The following ATP10D variants were observed in gnomAD, a reference collection of about 807,000 sequenced individuals.
ATP10D encodes the protein phospholipid-transporting ATPase VD.
In ATP10D, 89 loss-of-function variants were observed where a neutral mutation model predicts 144.8. The observed-to-expected ratio is 0.61, with a 90% confidence interval of 0.52 to 0.73. ATP10D has a LOEUF of 0.73. ATP10D is among the 30% of genes least tolerant of loss of function. The probability of loss-of-function intolerance (pLI) is 0.00; values close to 1 mark genes in which losing one functional copy is unlikely to be tolerated. For synonymous variants in ATP10D, 571 were observed against 615.1 expected (o/e 0.93, Z 1.06); for missense variants, 1,603 against 1,714.8 (o/e 0.93, Z 1.15).
chr4:47,547,585 A>G (rs1718506545), intron 10 of ATP10D: 1 of 152,210 alleles, frequency 6.6e-6, no homozygotes, highest in South Asian at 2.1e-4. Context: ...TTTACATTTT[A>G]TTAAGTCTTG....
At chr4:47,509,196 CT>C (rs1479420560) in intron 1 of ATP10D, among the ~76,000 whole-genome samples, 2 of 151,936 alleles carry the variant, frequency 1.3e-5, no homozygotes, top group African/African-American at 2.4e-5. Context: ...TTTTCTTCTT[CT>C]TTTTTAAATC....
intron 3 of ATP10D, 97 bp from the exon 4 acceptor site, chr4:47,522,915 T>A (rs4475121): frequency 0.17 from 175,772 of 1,005,594 alleles, 16,602 homozygotes; most frequent in South Asian, 0.24. Context: ...ACTTAATATA[T>A]ACTTTAAATT....
intron 19 of ATP10D, among the ~76,000 whole-genome samples, chr4:47,578,019 G>T (rs1720322766): frequency 1.3e-5 from 2 of 152,166 alleles, no homozygotes; most frequent in Admixed American, 1.3e-4. Context: ...ACTAAAGATT[G>T]TTATTTGTCC....
In ATP10D at chr4:47,558,937, G is replaced by A. The variant is rs377230023; in HGVS notation, c.2449G>A (p.Glu817Lys). 3 of 1,613,548 alleles carry A rather than the reference G, an allele frequency of 1.9e-6. No individual in the cohort carries two copies. In the African/African-American group the frequency reaches 4.0e-5, roughly 22 times the overall value. ...SVASPDGASL[E>K]KQQMIVREKT... ...CATTATTTCAGATGGAGCAAGTCTG[G>A]AGAAACAACAGATGATAGTAAGGGA... Residue 817 changes from glutamate (E) to lysine (K), a missense_variant, in exon 13 of 23, where the codon GAG becomes AAG. By Grantham distance (56) the Glu-to-Lys change is moderately conservative. Coordinates refer to ENST00000273859, the MANE Select transcript of ATP10D (RefSeq NM_020453.4).
At chr4:47,565,821 T>C (rs914949055) in intron 15 of ATP10D, among the ~76,000 whole-genome samples, 2 of 152,202 alleles carry the variant, frequency 1.3e-5, no homozygotes, top group Non-Finnish European at 2.9e-5. Context: ...ATTTATCTTA[T>C]GTTTAAAGGC....
In ATP10D at chr4:47,512,484, G is replaced by C; in HGVS notation, c.-37-20G>C. On this transcript the variant is annotated intron_variant, in intron 1 of 22. Transcript: ENST00000273859. Reference sequence around the variant, plus strand: ...ACGTTTCAGAAGCTCATGGAAGTGTGGTTTTTGTTTGTTTGCCAGGTCAGC... The same window carrying C: ...ACGTTTCAGAAGCTCATGGAAGTGTCGTTTTTGTTTGTTTGCCAGGTCAGC... 6.8e-7 allele frequency: 1 copy of C among 1,474,924 alleles called. No individual in the cohort carries two copies. The highest frequency in any genetic ancestry group is 9.2e-7 in the Non-Finnish European group (1 of 1,083,464). 91.4% of individuals were successfully genotyped at this position (1,474,924 alleles called of 1,614,324 possible).
At chr4:47,583,727 A>T (rs919995750) in intron 21 of ATP10D, among the ~76,000 whole-genome samples, 3 of 152,218 alleles carry the variant, frequency 2.0e-5, no homozygotes, top group African/African-American at 7.2e-5. Context: ...GGGTTCACGG[A>T]TTATGAGCAA....
intron 1 of ATP10D, among the ~76,000 whole-genome samples, chr4:47,489,952 T>A (rs1714987215): frequency 6.6e-6 from 1 of 152,200 alleles, no homozygotes; most frequent in South Asian, 2.1e-4. Context: ...ATGAGGAAGA[T>A]GGGTACTACT....
In ATP10D at chr4:47,568,848, G is replaced by A; in HGVS notation, c.2865G>A (p.Gly955=). 1.2e-6 allele frequency: 2 copies of A among 1,613,306 alleles called. No homozygotes were observed. Among genetic ancestry groups the A allele is most frequent in the Non-Finnish European group, 1.7e-6 (2 of 1,179,412 alleles). Residue 955 remains glycine, a synonymous_variant, in exon 16 of 23, where the codon GGG becomes GGA. Transcript: ENST00000273859. ...CCTCTTGTTTCAAGGATGCCTGTGG[G>A]ATGCTGATGAGCACAATTTTGAAAG... ...ILNTQSKDAC[G]MLMSTILKEL...
intron 14 of ATP10D, among the ~76,000 whole-genome samples, chr4:47,563,287 G>A (rs967582185): frequency 2.0e-5 from 3 of 152,164 alleles, no homozygotes; most frequent in African/African-American, 4.8e-5. Flanking sequence ...TGTAGTGTAA[G>A]GTTGCATAAA....
chr4:47,553,748 T>C (rs1203625151), intron 10 of ATP10D, among the ~76,000 whole-genome samples: 1 of 152,218 alleles, frequency 6.6e-6, no homozygotes, highest in African/African-American at 2.4e-5. Context: ...ATTAAACCTA[T>C]GCTAACTCTC....
intron 21 of ATP10D, among the ~76,000 whole-genome samples, chr4:47,584,546 C>A (rs1203906322): frequency 6.6e-6 from 1 of 152,078 alleles, no homozygotes; most frequent in Non-Finnish European, 1.5e-5. Context: ...GCGCCCACCA[C>A]CACGCCCCGC....
rs1717795410 is a variant in ATP10D, at chr4:47,535,511, A to G, written c.779A>G (p.Glu260Gly). The G allele has an allele frequency of 6.2e-7, 1 of 1,607,926 alleles. No individual in the cohort carries two copies. Among genetic ancestry groups the G allele is most frequent in the African/African-American group, 1.3e-5 (1 of 74,640 alleles). ...TTTATATGCTGTCTTTCTTATAGAGAACATTCCAACAAAGAACGCGTGGGT... is the reference window on the plus strand; with the variant it reads ...TTTATATGCTGTCTTTCTTATAGAGGACATTCCAACAAAGAACGCGTGGGT... ...NDLSRFRGFLEHSNKERVGLS... is the reference protein window; with the variant it reads ...NDLSRFRGFLGHSNKERVGLS... The change falls in exon 6 of 23, where the codon GAA (glutamate) becomes GGA (glycine). Residue 260 changes from glutamate to glycine, a missense_variant and splice_region_variant. Coordinates refer to ENST00000273859, the MANE Select transcript of ATP10D (RefSeq NM_020453.4).
At chr4:47,510,455 A>C (rs1716263919) in intron 1 of ATP10D, among the ~76,000 whole-genome samples, 1 of 152,228 alleles carries the variant, frequency 6.6e-6, no homozygotes, top group African/African-American at 2.4e-5. Flanking sequence ...TGTACATTTA[A>C]AGATATTGAA....
At chr4:47,561,178 ATGGTTC>A in intron 14 of ATP10D, 103 bp downstream of exon 14, 1 of 1,444,592 alleles carries the variant, frequency 6.9e-7, no homozygotes, top group South Asian at 1.3e-5. Flanking sequence ...ATAAACATAT[ATGGTTC>A]TGCCTACCCT....
chr4:47,552,823 T>A (rs1718791735), intron 10 of ATP10D, among the ~76,000 whole-genome samples: 1 of 152,222 alleles, frequency 6.6e-6, no homozygotes, highest in Non-Finnish European at 1.5e-5. Flanking sequence ...CAGTCCCAAA[T>A]GTCTTCTATA....
chr4:47,541,820 AAGAC>A (rs1366263569), intron 9 of ATP10D, among the ~76,000 whole-genome samples: 1 of 152,174 alleles, frequency 6.6e-6, no homozygotes, highest in African/African-American at 2.4e-5. Context: ...ATGGGAAGAA[AAGAC>A]AGATCGGGGA....
chr4:47,586,986 G>C (rs773226856), intron 21 of ATP10D, 33 bp from the exon 22 acceptor site: 2 of 1,599,926 alleles, frequency 1.3e-6, no homozygotes, highest in South Asian at 2.2e-5. Context: ...CAGTGACAGA[G>C]CATTCATTTC....
At chr4:47,510,707 A>T (rs1213071580) in intron 1 of ATP10D, among the ~76,000 whole-genome samples, 2 of 152,214 alleles carry the variant, frequency 1.3e-5, no homozygotes, top group Non-Finnish European at 2.9e-5. Flanking sequence ...ATGTTTGTTT[A>T]GTTAGTCCTG....
Sources: allele counts gnomAD v4.1 joint callset (sites outside exome capture counted in the v4.1 genomes callset), GRCh38; gene constraint gnomAD v4.1.1; transcripts MANE v1.5; gene names NCBI Gene and HGNC (gene_info 2026-07-23, HGNC 2026-07-21).